R3HCC1L: variants seen among roughly 807,000 people sequenced by gnomAD.
R3HCC1L encodes the protein R3H domain and coiled-coil containing 1 like.
A neutral mutation model predicts 59.9 loss-of-function variants in R3HCC1L; 51 were observed. The observed-to-expected ratio is 0.85, with a 90% CI of 0.68 to 1.07. The LOEUF is 1.07. Among genes scored for constraint, R3HCC1L ranks in the 50% least tolerant of loss-of-function variants. R3HCC1L has a pLI of 0.00. For missense variants in R3HCC1L, 965 were observed against 933.0 expected (o/e 1.03, Z -0.45); for synonymous variants, 322 against 315.2 (o/e 1.02, Z -0.23).
At chr10:98,197,483 ATG>A (rs1851566691) in intron 4 of R3HCC1L, among the ~76,000 whole-genome samples, 1 of 151,976 alleles carries the variant, frequency 6.6e-6, no homozygotes, top group South Asian at 2.1e-4. Flanking sequence ...ACATTATAGG[ATG>A]TGTTTAAATG....
chr10:98,236,127 A>T lies in R3HCC1L; in HGVS notation c.2232A>T (p.Glu744Asp), dbSNP rs899623909. The stretch of plus-strand genomic sequence containing the variant: ...TTCGAAGTAAGCAGAGCAAAACCGA[A>T]CGAGAAGCAGAGCTCAAGAAACTGC... ...LGVRSKQSKTEREAELKKLQE... is the reference protein window; with the variant it reads ...LGVRSKQSKTDREAELKKLQE... The change falls in exon 9 of 10, where the codon GAA (glutamate) becomes GAT (aspartate). Residue 744 changes from glutamate to aspartate, a missense_variant. Coordinates refer to ENST00000298999, the MANE Select transcript of R3HCC1L (RefSeq NM_001351015.2). 1.9e-5 allele frequency: 30 copies of T among 1,613,812 alleles called. No homozygotes were observed. Among genetic ancestry groups the T allele is most frequent in the Non-Finnish European group, 2.4e-5 (28 of 1,179,892 alleles).
intron 5 of R3HCC1L, among the ~76,000 whole-genome samples, chr10:98,215,762 A>T (rs1854120798): frequency 6.6e-6 from 1 of 152,348 alleles, no homozygotes; most frequent in Non-Finnish European, 1.5e-5. Flanking sequence ...GGAAGCAATA[A>T]CAATATGTTG....
At chr10:98,181,703 C>CT (rs1357807116) in intron 4 of R3HCC1L, among the ~76,000 whole-genome samples, 5 of 152,128 alleles carry the variant, frequency 3.3e-5, no homozygotes, top group Admixed American at 1.3e-4. Context: ...TTCCTGGAGC[C>CT]TTTGTTCATT....
intron 1 of R3HCC1L, among the ~76,000 whole-genome samples, chr10:98,136,947 A>G (rs1182251521): frequency 6.6e-6 from 1 of 152,184 alleles, no homozygotes; most frequent in Non-Finnish European, 1.5e-5. Flanking sequence ...GCGGTGGCGC[A>G]CGTCTGTAAT....
intron 9 of R3HCC1L, among the ~76,000 whole-genome samples, chr10:98,237,048 T>G (rs1008763086): frequency 1.3e-5 from 2 of 152,236 alleles, no homozygotes. Context: ...CTGTCCTCTC[T>G]GCTTTAGTGA....
At chr10:98,207,345 A>G (rs929860448) in intron 4 of R3HCC1L, among the ~76,000 whole-genome samples, 3 of 152,122 alleles carry the variant, frequency 2.0e-5, no homozygotes, top group Admixed American at 2.0e-4. Context: ...CTTTTGTTAT[A>G]TTTCTTCTTG....
intron 1 of R3HCC1L, among the ~76,000 whole-genome samples, chr10:98,138,773 A>G (rs1844838319): frequency 6.6e-6 from 1 of 152,112 alleles, no homozygotes; most frequent in Non-Finnish European, 1.5e-5. Flanking sequence ...AGACAGACCA[A>G]GGTCTGAATC....
At chr10:98,231,184 A>G (rs1856341871) in intron 5 of R3HCC1L, 3 of 367,958 alleles carry the variant, frequency 8.2e-6, no homozygotes, top group Non-Finnish European at 1.5e-5. Flanking sequence ...TCTAAGCTTC[A>G]TTTTCCAAGA....
Position 98,209,529 on chromosome 10 carries a change from C to T in R3HCC1L, c.1415C>T (p.Ser472Phe). The T allele has an allele frequency of 1.2e-6, 2 of 1,613,844 alleles. No homozygotes were observed. The highest frequency in any genetic ancestry group is 1.7e-6 in the Non-Finnish European group (2 of 1,179,942). ...GAGAGCTTGTCAGATTGTGCTTCCT[C>T]CTTACCTATAAAAAAGATTGCTGGT... is the stretch of plus-strand genomic sequence containing the variant. Reference protein sequence around the residue: ...LIESLSDCASSLPIKKIAGSN... With the variant: ...LIESLSDCASFLPIKKIAGSN... The change falls in exon 5 of 10, where the codon TCC becomes TTC. Residue 472 changes from serine (S) to phenylalanine (F), a missense_variant. Physicochemically the swap from Ser to Phe is radical, Grantham distance 155. Coordinates refer to ENST00000298999, the MANE Select transcript of R3HCC1L (RefSeq NM_001351015.2).
At chr10:98,149,489 A>T (rs1845951114) in intron 1 of R3HCC1L, among the ~76,000 whole-genome samples, 1 of 152,044 alleles carries the variant, frequency 6.6e-6, no homozygotes, top group Non-Finnish European at 1.5e-5. Flanking sequence ...TATTGCTATA[A>T]CTTCCCTCTT....
intron 4 of R3HCC1L, among the ~76,000 whole-genome samples, chr10:98,164,569 T>A (rs2134229279): frequency 6.6e-6 from 1 of 152,262 alleles, no homozygotes; most frequent in East Asian, 1.9e-4. Context: ...TTAGGAGTAT[T>A]ATTTTTTTTT....
At chr10:98,171,584 A>G (rs758064925) in intron 4 of R3HCC1L, among the ~76,000 whole-genome samples, 5 of 152,172 alleles carry the variant, frequency 3.3e-5, no homozygotes, top group South Asian at 2.1e-4. Context: ...CAGTGGTTCA[A>G]TCAAGAGGGG....
chr10:98,167,160 C>G (rs1848035363), intron 4 of R3HCC1L, among the ~76,000 whole-genome samples: 2 of 151,834 alleles, frequency 1.3e-5, no homozygotes, highest in Admixed American at 1.3e-4. Flanking sequence ...TCGTTCAGGA[C>G]ATGATTCTTC....
At chr10:98,190,076 T>G (rs1850665816) in intron 4 of R3HCC1L, among the ~76,000 whole-genome samples, 1 of 152,214 alleles carries the variant, frequency 6.6e-6, no homozygotes, top group African/African-American at 2.4e-5. Flanking sequence ...TTACTTTATA[T>G]CATCTCTAGA....
intron 4 of R3HCC1L, among the ~76,000 whole-genome samples, chr10:98,205,273 T>A (rs1490059633): frequency 6.6e-6 from 1 of 152,152 alleles, no homozygotes; most frequent in Non-Finnish European, 1.5e-5. Context: ...CTTTTGTACA[T>A]TTTTTTCCCC....
intron 5 of R3HCC1L, among the ~76,000 whole-genome samples, chr10:98,230,374 T>C (rs1448260375): frequency 6.6e-6 from 1 of 152,114 alleles, no homozygotes; most frequent in Non-Finnish European, 1.5e-5. Flanking sequence ...TGCGTAGAGG[T>C]GTTTATAGTA....
intron 6 of R3HCC1L, among the ~76,000 whole-genome samples, chr10:98,233,735 A>C (rs1856628739): frequency 6.6e-6 from 1 of 152,156 alleles, no homozygotes; most frequent in African/African-American, 2.4e-5. Context: ...GTGTTTTTCT[A>C]GTACTTAAAT....
At chr10:98,155,898 T>C (rs1481855908) in intron 1 of R3HCC1L, among the ~76,000 whole-genome samples, 195 bp from the exon 2 acceptor site, 1 of 152,100 alleles carries the variant, frequency 6.6e-6, no homozygotes, top group Non-Finnish European at 1.5e-5. Flanking sequence ...CCCTAGCTTC[T>C]TAATTTAGTT....
At chr10:98,215,246 G>GA (rs965376575) in intron 5 of R3HCC1L, among the ~76,000 whole-genome samples, 12 of 151,390 alleles carry the variant, frequency 7.9e-5, no homozygotes, top group Non-Finnish European at 1.5e-4. Flanking sequence ...GGAATGACTA[G>GA]AAAAAAAAGA....
Sources: allele counts gnomAD v4.1 joint callset (sites outside exome capture counted in the v4.1 genomes callset), GRCh38; gene constraint gnomAD v4.1.1; transcripts MANE v1.5; gene names NCBI Gene and HGNC (gene_info 2026-07-23, HGNC 2026-07-21).